The following PRRX1 variants were observed in gnomAD, a reference collection of about 807,000 sequenced individuals.
PRRX1 encodes paired related homeobox 1, also known as paired mesoderm homeobox protein 1.
Under a neutral mutation model 24.0 loss-of-function variants are expected in PRRX1, and 8 were observed. That is an observed-to-expected ratio of 0.33 (90% CI 0.20 to 0.60). The LOEUF is 0.60. PRRX1 is among the 20% of genes least tolerant of loss of function. PRRX1 has a pLI of 0.82. For synonymous variants in PRRX1, 160 were observed against 131.7 expected, an observed-to-expected ratio of 1.22 and a Z score of -1.47; for missense variants, 281 against 322.4, an observed-to-expected ratio of 0.87 and a Z score of 0.98.
intron 1 of PRRX1, among the ~76,000 whole-genome samples, chr1:170,703,152 G>T (rs1454183798): frequency 6.6e-6 from 1 of 152,176 alleles, no homozygotes; most frequent in Non-Finnish European, 1.5e-5. Context: ...ACACTGCCAC[G>T]AATTCCTATC....
At chr1:170,695,135 T>C (rs1359486113) in intron 1 of PRRX1, among the ~76,000 whole-genome samples, 2 of 152,164 alleles carry the variant, frequency 1.3e-5, no homozygotes, top group Non-Finnish European at 2.9e-5. Context: ...GTTGTTATGA[T>C]TAAATGCAAC....
chr1:170,685,947 A>C (rs1653718088), intron 1 of PRRX1, among the ~76,000 whole-genome samples: 1 of 152,102 alleles, frequency 6.6e-6, no homozygotes, highest in South Asian at 2.1e-4. Context: ...AAACAAGCAA[A>C]TTCAATTGGA....
chr1:170,736,775 T>G lies in PRRX1; in HGVS notation c.*589T>G, dbSNP rs1655622906. ...ATGGTAAGGTTTTTCCATCAGCCTC[T>G]GAAAAAATAGTTGTGCACAACATCT... On this transcript the variant is annotated 3_prime_UTR_variant, in exon 4 of 4. Coordinates refer to ENST00000239461, the MANE Select transcript of PRRX1 (RefSeq NM_022716.4). 5.2e-6 allele frequency: 1 copy of G among 190,798 alleles called. No homozygotes were observed. The highest frequency in any genetic ancestry group is 1.1e-5 in the Non-Finnish European group (1 of 90,954). 11.8% of individuals were successfully genotyped at this position (190,798 alleles called of 1,614,324 possible).
At chr1:170,687,423 C>T (rs776368732) in intron 1 of PRRX1, among the ~76,000 whole-genome samples, 7 of 152,156 alleles carry the variant, frequency 4.6e-5, no homozygotes, top group Admixed American at 1.3e-4. Flanking sequence ...TCTGTCTTTT[C>T]TTTCCTGCCT....
intron 1 of PRRX1, among the ~76,000 whole-genome samples, chr1:170,681,249 G>A (rs1383176115): frequency 6.6e-6 from 1 of 152,204 alleles, no homozygotes; most frequent in Non-Finnish European, 1.5e-5. Context: ...AGGAGTTGGA[G>A]CAATGTGCCT....
rs1183927990 is a variant in PRRX1 at position 170,697,657 on chromosome 1, AATATACATATATTTATATATGCATAT to A, written c.242-22057_242-22032del. Among the ~76,000 whole-genome samples, 6 of 148,586 alleles carry A rather than the reference AATATACATATATTTATATATGCATAT, an allele frequency of 4.0e-5. No individual in the cohort carries two copies. The East Asian group carries it at 1.2e-3, about 29-fold the overall frequency. ...AAAAGATATATTTTATGTATCTGTAAATATACATATATTTATATATGCATATATATACATATACAAATATCTATACA... is the reference window on the plus strand; with the variant it reads ...AAAAGATATATTTTATGTATCTGTAAATATACATATACAAATATCTATACA... On this transcript the variant is annotated intron_variant, in intron 1 of 3. Transcript: ENST00000239461.
intron 1 of PRRX1, among the ~76,000 whole-genome samples, chr1:170,669,757 C>T (rs1211425925): frequency 6.6e-6 from 1 of 151,946 alleles, no homozygotes; most frequent in East Asian, 1.9e-4. Context: ...CGTGCCTGTG[C>T]CTGCATTGCG....
chr1:170,677,750 C>T (rs978576935), intron 1 of PRRX1, among the ~76,000 whole-genome samples: 1 of 152,164 alleles, frequency 6.6e-6, no homozygotes. Context: ...TGGTTATCAC[C>T]TTTAGGTCAC....
At chr1:170,670,488 G>A (rs947102467) in intron 1 of PRRX1, among the ~76,000 whole-genome samples, 1 of 152,128 alleles carries the variant, frequency 6.6e-6, no homozygotes, top group African/African-American at 2.4e-5. Context: ...TTCAGGGTTG[G>A]CAGGTTTGTT....
intron 1 of PRRX1, among the ~76,000 whole-genome samples, chr1:170,700,102 T>C (rs1163012196): frequency 6.6e-6 from 1 of 152,190 alleles, no homozygotes; most frequent in Non-Finnish European, 1.5e-5. Context: ...AACTTAAAAA[T>C]GTCCTATGGC....
chr1:170,698,306 T>A lies in PRRX1; in HGVS notation c.242-21420T>A, dbSNP rs536012622. 1.2e-4 allele frequency among the ~76,000 whole-genome samples: 19 copies of A among 152,342 alleles called. No homozygotes were observed. The East Asian group carries it at 3.7e-3, about 29-fold the overall frequency. On this transcript the variant is annotated intron_variant, in intron 1 of 3. Coordinates refer to ENST00000239461, the MANE Select transcript of PRRX1 (RefSeq NM_022716.4). ...AAAGCTAAATAAGGCTATATACTTA[T>A]ATATGTTTCTTGAAAGAGATTTCTT...
chr1:170,676,762 A>C (rs772063133), intron 1 of PRRX1, among the ~76,000 whole-genome samples: 10 of 152,170 alleles, frequency 6.6e-5, no homozygotes, highest in Non-Finnish European at 1.2e-4. Flanking sequence ...GATGTCAACC[A>C]AATTCCTCTA....
intron 3 of PRRX1, chr1:170,728,660 T>C (rs1655330633): frequency 6.6e-6 from 1 of 152,222 alleles, no homozygotes; most frequent in Non-Finnish European, 1.5e-5. Flanking sequence ...AATCTTCAGA[T>C]ATAAGCAGAA....
At chr1:170,684,737 A>T (rs903528840) in intron 1 of PRRX1, among the ~76,000 whole-genome samples, 2 of 152,208 alleles carry the variant, frequency 1.3e-5, no homozygotes, top group Non-Finnish European at 2.9e-5. Context: ...TGGACAACAG[A>T]GTGAGACTCC....
chr1:170,689,818 C>T (rs888327351), intron 1 of PRRX1, among the ~76,000 whole-genome samples: 2 of 86,188 alleles, frequency 2.3e-5, no homozygotes, highest in African/African-American at 1.0e-4. Flanking sequence ...TATTCCGTCT[C>T]TCTCTCTCTC....
At chr1:170,727,690 C>T (rs1371384685) in intron 3 of PRRX1, 1 of 152,096 alleles carries the variant, frequency 6.6e-6, no homozygotes, top group Admixed American at 6.5e-5. Flanking sequence ...TTGTTTTAAT[C>T]CCCTGTTATA....
intron 2 of PRRX1, among the ~76,000 whole-genome samples, chr1:170,725,444 C>T (rs111875345): frequency 6.6e-5 from 10 of 152,308 alleles, no homozygotes; most frequent in Non-Finnish European, 1.0e-4. Context: ...GCAGTTTCTT[C>T]CTAGAACTTC....
At chr1:170,723,991 C>T (rs536948767) in intron 2 of PRRX1, among the ~76,000 whole-genome samples, 2 of 152,288 alleles carry the variant, frequency 1.3e-5, no homozygotes, top group East Asian at 3.9e-4. Flanking sequence ...AAATTGCTTC[C>T]TCAACTGTAA....
At chr1:170,665,818 C>A (rs987273355) in intron 1 of PRRX1, among the ~76,000 whole-genome samples, 1 of 152,198 alleles carries the variant, frequency 6.6e-6, no homozygotes, top group East Asian at 1.9e-4. Context: ...GTGTTTTTAG[C>A]CAAAAGCGGC....
Sources: allele counts gnomAD v4.1 joint callset (sites outside exome capture counted in the v4.1 genomes callset), GRCh38; gene constraint gnomAD v4.1.1; transcripts MANE v1.5; gene names NCBI Gene and HGNC (gene_info 2026-07-23, HGNC 2026-07-21).